KCNH7: variants seen among roughly 807,000 people sequenced by gnomAD.
KCNH7 encodes the protein voltage-gated inwardly rectifying potassium channel KCNH7.
In KCNH7, 49 loss-of-function variants were observed where a neutral mutation model predicts 120.8. The ratio of observed to expected loss-of-function variants is 0.41; its 90% CI spans 0.32 to 0.51. The LOEUF (loss-of-function observed/expected upper bound fraction) is 0.51, where lower values mean the gene tolerates loss of function less well. KCNH7 is among the 20% of genes least tolerant of loss of function. The pLI is 0.38. For synonymous variants in KCNH7, 547 were observed against 516.1 expected (o/e 1.06, Z -0.81); for missense variants, 1,097 against 1,446.6 (o/e 0.76, Z 3.92).
At chr2:162,648,827 T>C (rs1362577712) in intron 2 of KCNH7, among the ~76,000 whole-genome samples, 2 of 152,140 alleles carry the variant, frequency 1.3e-5, no homozygotes, top group Non-Finnish European at 2.9e-5. Context: ...GCTACCTTCT[T>C]TAAGAGCTTA....
At chr2:162,708,467 G>A (rs1686796126) in intron 2 of KCNH7, among the ~76,000 whole-genome samples, 1 of 152,050 alleles carries the variant, frequency 6.6e-6, no homozygotes, top group Non-Finnish European at 1.5e-5. Context: ...AGAGCAATTA[G>A]TTTCCTCTCT....
intron 2 of KCNH7, among the ~76,000 whole-genome samples, chr2:162,555,670 A>G (rs1692828734): frequency 6.6e-6 from 1 of 152,146 alleles, no homozygotes; most frequent in South Asian, 2.1e-4. Context: ...AAGAGAGCTG[A>G]TAATATGGGA....
chr2:162,397,451 T>A (rs908958664), intron 10 of KCNH7, among the ~76,000 whole-genome samples: 2 of 151,814 alleles, frequency 1.3e-5, no homozygotes, highest in African/African-American at 4.8e-5. Context: ...TAACCACTTT[T>A]GAATCTGCCC....
chr2:162,791,248 T>C (rs917811873), intron 2 of KCNH7, among the ~76,000 whole-genome samples: 2 of 152,040 alleles, frequency 1.3e-5, no homozygotes, highest in African/African-American at 4.8e-5. Context: ...GATTGCCTTG[T>C]CTATTTGGGC....
At position 162,774,746 on chromosome 2, in the gene KCNH7, A is replaced by C. The variant is rs1683173562; in HGVS notation, c.307+61791T>G. On this transcript the variant is annotated intron_variant, in intron 2 of 15. Transcript: ENST00000332142. ...TTATAAAAAAGAAAACTAGTGTATAATTCTACCCCACTGAAATAATGATTA... is the reference window on the plus strand; with the variant it reads ...TTATAAAAAAGAAAACTAGTGTATACTTCTACCCCACTGAAATAATGATTA... 2.0e-5 allele frequency among the ~76,000 whole-genome samples: 3 copies of C among 152,180 alleles called. No homozygotes were observed. The South Asian group carries it at 6.2e-4, about 32-fold the overall frequency.
At chr2:162,817,252 G>C (rs10930069) in intron 2 of KCNH7, among the ~76,000 whole-genome samples, 81,901 of 151,952 alleles carry the variant, frequency 0.54, 22,574 homozygotes, top group South Asian at 0.72. Context: ...GGCAACTACT[G>C]TTTTGATTTA....
Position 162,732,560 on chromosome 2 carries a change from G to T in KCNH7, c.307+103977C>A, listed in dbSNP as rs1323232918. 2.6e-5 allele frequency among the ~76,000 whole-genome samples: 4 copies of T among 152,096 alleles called. No homozygotes were observed. The East Asian group carries it at 5.8e-4, about 22-fold the overall frequency. On this transcript the variant is annotated intron_variant, in intron 2 of 15. Coordinates refer to ENST00000332142, the MANE Select transcript of KCNH7 (RefSeq NM_033272.4). ...ACTAAACTGAATGCAAGGTACAATG[G>T]AAGGAAGATAGAATTGAGAATCCTG... is the stretch of plus-strand genomic sequence containing the variant.
intron 2 of KCNH7, among the ~76,000 whole-genome samples, chr2:162,647,726 AT>A (rs1684418077): frequency 6.6e-6 from 1 of 152,128 alleles, no homozygotes; most frequent in African/African-American, 2.4e-5. Flanking sequence ...CCCCAGCCAC[AT>A]TGAACTGAGT....
intron 2 of KCNH7, among the ~76,000 whole-genome samples, chr2:162,762,777 T>C (rs1472773141): frequency 6.6e-6 from 1 of 152,096 alleles, no homozygotes; most frequent in Non-Finnish European, 1.5e-5. Flanking sequence ...CTTATAAAAT[T>C]GTCATGAGAC....
At chr2:162,542,153 A>C (rs548801268) in intron 2 of KCNH7, among the ~76,000 whole-genome samples, 3 of 151,214 alleles carry the variant, frequency 2.0e-5, no homozygotes, top group East Asian at 1.9e-4. Context: ...ACTATTCTAT[A>C]TCTCTCTTTT....
At chr2:162,789,880 C>A (rs1483163973) in intron 2 of KCNH7, among the ~76,000 whole-genome samples, 3 of 151,638 alleles carry the variant, frequency 2.0e-5, no homozygotes, top group Non-Finnish European at 4.4e-5. Context: ...GCAATGAACA[C>A]CTATATTAAG....
chr2:162,374,668 T>A (rs1054466777), intron 14 of KCNH7, among the ~76,000 whole-genome samples: 1 of 152,182 alleles, frequency 6.6e-6, no homozygotes, highest in African/African-American at 2.4e-5. Flanking sequence ...AGCTTTTGAT[T>A]TGATAGAGAA....
chr2:162,827,348 G>A (rs1685323320), intron 2 of KCNH7, among the ~76,000 whole-genome samples: 1 of 152,058 alleles, frequency 6.6e-6, no homozygotes, highest in African/African-American at 2.4e-5. Context: ...TGTGGATAAA[G>A]ACTAGACATA....
At chr2:162,675,890 G>A (rs573169058) in intron 2 of KCNH7, among the ~76,000 whole-genome samples, 2 of 151,404 alleles carry the variant, frequency 1.3e-5, no homozygotes, top group African/African-American at 4.8e-5. Context: ...CATGAAGGTG[G>A]CATGCAAAAT....
intron 10 of KCNH7, 82 bp from the exon 11 acceptor site, chr2:162,397,027 A>T (rs1423921576): frequency 2.2e-6 from 2 of 898,698 alleles, no homozygotes; most frequent in Non-Finnish European, 3.5e-6. Flanking sequence ...GGGGGTCATT[A>T]AACAATTGAT....
intron 2 of KCNH7, among the ~76,000 whole-genome samples, chr2:162,677,612 G>C (rs1685571213): frequency 6.6e-6 from 1 of 151,240 alleles, no homozygotes. Flanking sequence ...TCCAATTCAG[G>C]GTCATTATGA....
In KCNH7 at chr2:162,611,965, G is replaced by T. The variant is rs190057747; in HGVS notation, c.308-74885C>A. 2.6e-5 allele frequency among the ~76,000 whole-genome samples: 4 copies of T among 152,298 alleles called. No homozygotes were observed. In the East Asian group the frequency reaches 5.8e-4, roughly 22 times the overall value. ...GGAGAAAGTCATTGCAGGAAGGACA[G>T]ATGTTTGGAATAGTCCGGATCACAC... On this transcript the variant is annotated intron_variant, in intron 2 of 15. Coordinates refer to ENST00000332142, the MANE Select transcript of KCNH7 (RefSeq NM_033272.4).
intron 6 of KCNH7, among the ~76,000 whole-genome samples, chr2:162,488,648 C>T (rs1252332367): frequency 6.6e-6 from 1 of 152,160 alleles, no homozygotes; most frequent in African/African-American, 2.4e-5. Context: ...TCCTACACTC[C>T]CACCATAAGG....
intron 2 of KCNH7, among the ~76,000 whole-genome samples, chr2:162,555,830 T>G (rs1692836932): frequency 6.6e-6 from 1 of 152,102 alleles, no homozygotes; most frequent in South Asian, 2.1e-4. Flanking sequence ...AATATTCTGA[T>G]CTACTTGAGT....
Sources: gnomAD v4.1 joint callset for allele counts (sites outside exome capture counted in the v4.1 genomes callset) on GRCh38, gnomAD v4.1.1 for gene constraint, MANE v1.5 for transcripts, NCBI Gene and HGNC (gene_info 2026-07-23, HGNC 2026-07-21) for gene names.